Variants in CLSTN2 observed in about 807,000 individuals in gnomAD.
CLSTN2 encodes calsyntenin-2.
Under a neutral mutation model 101.2 loss-of-function variants are expected in CLSTN2, and 48 were observed. The observed-to-expected ratio is 0.47, with a 90% CI of 0.38 to 0.60. The LOEUF is 0.60. Among genes scored for constraint, CLSTN2 ranks in the 20% least tolerant of loss-of-function variants. The pLI, the probability that CLSTN2 is intolerant of heterozygous loss-of-function variation, is 0.00. For missense variants in CLSTN2, 1,160 were observed against 1,238.2 expected, an observed-to-expected ratio of 0.94 and a Z score of 0.95; for synonymous variants, 481 against 463.6, an observed-to-expected ratio of 1.04 and a Z score of -0.48.
At chr3:140,023,304 C>T (rs1220699849) in intron 1 of CLSTN2, among the ~76,000 whole-genome samples, 1 of 152,114 alleles carries the variant, frequency 6.6e-6, no homozygotes, top group Non-Finnish European at 1.5e-5. Flanking sequence ...AGATAAGGAG[C>T]GCGCAAACCT....
At chr3:140,420,176 G>A (rs1435739939) in intron 4 of CLSTN2, among the ~76,000 whole-genome samples, 1 of 151,450 alleles carries the variant, frequency 6.6e-6, no homozygotes, top group Non-Finnish European at 1.5e-5. Flanking sequence ...TTACAGACGT[G>A]AACCACTGCA....
At chr3:140,403,896 C>T in intron 3 of CLSTN2, 72 bp downstream of exon 3, 2 of 1,242,756 alleles carry the variant, frequency 1.6e-6, no homozygotes, top group Non-Finnish European at 1.1e-6. Flanking sequence ...ACATGCTGCT[C>T]TTCAGATATG....
intron 6 of CLSTN2, chr3:140,453,232 T>C (rs1341465536): frequency 6.6e-6 from 1 of 152,224 alleles, no homozygotes; most frequent in East Asian, 1.9e-4. Flanking sequence ...CTGCACATGA[T>C]GTCTGGGTCA....
chr3:139,998,520 A>G (rs1480446624), intron 1 of CLSTN2, among the ~76,000 whole-genome samples: 3 of 141,184 alleles, frequency 2.1e-5, no homozygotes, highest in Non-Finnish European at 4.8e-5. Context: ...TTTTTTTTGT[A>G]TTTTTAGTAG....
At chr3:140,499,643 A>G (rs546005867) in intron 8 of CLSTN2, among the ~76,000 whole-genome samples, 3 of 152,160 alleles carry the variant, frequency 2.0e-5, no homozygotes, top group Non-Finnish European at 2.9e-5. Flanking sequence ...TGGTGTAGGC[A>G]GGGGGTGGTA....
At chr3:140,340,259 G>A (rs1028160895) in intron 2 of CLSTN2, among the ~76,000 whole-genome samples, 3 of 152,168 alleles carry the variant, frequency 2.0e-5, no homozygotes, top group African/African-American at 7.2e-5. Context: ...ATGTTCTAAT[G>A]TACTTCGTAC....
intron 1 of CLSTN2, among the ~76,000 whole-genome samples, chr3:140,117,760 T>C (rs931905254): frequency 3.9e-5 from 6 of 152,166 alleles, no homozygotes; most frequent in African/African-American, 1.4e-4. Flanking sequence ...GATGCAGTTA[T>C]GCCCATCTTA....
At chr3:140,512,491 C>A (rs1397732102) in intron 8 of CLSTN2, among the ~76,000 whole-genome samples, 3 of 152,098 alleles carry the variant, frequency 2.0e-5, no homozygotes, top group Non-Finnish European at 4.4e-5. Flanking sequence ...TTTTGGTTAC[C>A]AGCATCATTC....
At chr3:140,376,070 C>T (rs1220069917) in intron 2 of CLSTN2, among the ~76,000 whole-genome samples, 1 of 152,128 alleles carries the variant, frequency 6.6e-6, no homozygotes, top group Non-Finnish European at 1.5e-5. Flanking sequence ...CTCTGGGGTC[C>T]CTCTCTGCTC....
intron 1 of CLSTN2, among the ~76,000 whole-genome samples, chr3:140,048,081 G>A (rs970565308): frequency 1.3e-5 from 2 of 152,186 alleles, no homozygotes; most frequent in African/African-American, 4.8e-5. Context: ...AGGGGAGAAA[G>A]GAGGAGGAAG....
rs148743891 is a variant in CLSTN2, at chr3:140,375,584, G to A, written c.233-28045G>A. Among the ~76,000 whole-genome samples the A allele has an allele frequency of 2.5e-4, 38 of 152,218 alleles. No individual in the cohort carries two copies. The East Asian group carries it at 6.0e-3, about 24-fold the overall frequency. On this transcript the variant is annotated intron_variant, in intron 2 of 16. Transcript: ENST00000458420. ...TATCCGCTTTGCTCTTTTGTTTCTTGTATTTTAATTGTTCTCAGCTGACTT... is the reference window on the plus strand; with the variant it reads ...TATCCGCTTTGCTCTTTTGTTTCTTATATTTTAATTGTTCTCAGCTGACTT...
At chr3:140,316,389 A>C (rs1321146679) in intron 2 of CLSTN2, among the ~76,000 whole-genome samples, 1 of 152,248 alleles carries the variant, frequency 6.6e-6, no homozygotes, top group African/African-American at 2.4e-5. Flanking sequence ...GATCAAGTCC[A>C]AATTCAATAG....
At chr3:140,097,306 C>A (rs1331837612) in intron 1 of CLSTN2, among the ~76,000 whole-genome samples, 2 of 152,126 alleles carry the variant, frequency 1.3e-5, no homozygotes, top group African/African-American at 4.8e-5. Context: ...GCACAGTGGT[C>A]CTGTCCTCTC....
intron 1 of CLSTN2, among the ~76,000 whole-genome samples, chr3:140,008,701 A>C (rs2007010524): frequency 6.6e-6 from 1 of 152,238 alleles, no homozygotes. Context: ...TAATACGAAC[A>C]ATCAGAGTAT....
intron 2 of CLSTN2, among the ~76,000 whole-genome samples, chr3:140,187,835 G>A (rs915381172): frequency 6.6e-6 from 1 of 152,162 alleles, no homozygotes; most frequent in African/African-American, 2.4e-5. Context: ...TGAGCCAAAT[G>A]CAACCCAACG....
chr3:140,535,582 G>T (rs1054182320), intron 9 of CLSTN2, among the ~76,000 whole-genome samples: 1 of 152,222 alleles, frequency 6.6e-6, no homozygotes, highest in Non-Finnish European at 1.5e-5. Context: ...TTAGAGTTAG[G>T]TGTGGTCATG....
At chr3:140,117,946 C>T (rs2009273860) in intron 1 of CLSTN2, among the ~76,000 whole-genome samples, 2 of 152,196 alleles carry the variant, frequency 1.3e-5, no homozygotes, top group South Asian at 4.2e-4. Context: ...CAGCAATGGG[C>T]TGAATTTTGT....
At chr3:140,491,426 T>C (rs1346148228) in intron 8 of CLSTN2, among the ~76,000 whole-genome samples, 1 of 152,250 alleles carries the variant, frequency 6.6e-6, no homozygotes, top group East Asian at 1.9e-4. Context: ...AATACTTGAA[T>C]GAACTTTTAA....
intron 1 of CLSTN2, among the ~76,000 whole-genome samples, chr3:140,116,072 T>G (rs994531930): frequency 1.3e-5 from 2 of 152,010 alleles, no homozygotes; most frequent in African/African-American, 4.8e-5. Context: ...TTTTGACCCC[T>G]CCCAGACTAA....
Sources: allele counts gnomAD v4.1 joint callset (sites outside exome capture counted in the v4.1 genomes callset), GRCh38; gene constraint gnomAD v4.1.1; transcripts MANE v1.5; gene names NCBI Gene and HGNC (gene_info 2026-07-23, HGNC 2026-07-21).